CDH18: variants seen among roughly 807,000 people sequenced by gnomAD.
The protein encoded by CDH18 is cadherin 18, also known as cadherin-18.
A neutral mutation model predicts 67.9 loss-of-function variants in CDH18; 31 were observed. The ratio of observed to expected loss-of-function variants is 0.46; its 90% CI spans 0.34 to 0.62. CDH18 has a LOEUF of 0.62. Ranked by LOEUF, CDH18 falls within the 20% of genes least tolerant of loss-of-function variation. CDH18 has a pLI of 0.01. For missense variants in CDH18, 890 were observed against 975.5 expected (o/e 0.91, Z 1.17); for synonymous variants, 362 against 347.2 (o/e 1.04, Z -0.48).
chr5:19,473,273 T>G lies in CDH18; in HGVS notation c.2326A>C (p.Lys776Gln), dbSNP rs1242822387. 1 of 1,613,710 alleles carries G rather than the reference T, an allele frequency of 6.2e-7. No individual in the cohort carries two copies. Among genetic ancestry groups the G allele is most frequent in the Non-Finnish European group, 8.5e-7 (1 of 1,179,790 alleles). ...YLGDWGPEFK[K>Q]LAELYGEIES... ...ATTTCTCCATAGAGTTCAGCTAACT[T>G]TTTAAACTCGGGTCCCCAGTCTCCA... The change falls in exon 13 of 13, where the codon AAG (lysine) becomes CAG (glutamine). Residue 776 changes from lysine (K) to glutamine (Q), a missense_variant. By Grantham distance (53) the Lys-to-Gln change is moderately conservative. Transcript: ENST00000382275.
intron 2 of CDH18, among the ~76,000 whole-genome samples, chr5:19,957,703 T>C (rs2150289077): frequency 6.6e-6 from 1 of 152,138 alleles, no homozygotes; most frequent in South Asian, 2.1e-4. Flanking sequence ...AGAGTAGACA[T>C]TGGCCTTACT....
intron 11 of CDH18, among the ~76,000 whole-genome samples, chr5:19,484,562 G>A (rs347751): frequency 7.9e-5 from 12 of 152,044 alleles, no homozygotes; most frequent in Middle Eastern, 3.2e-3. Context: ...TCCTGTTGCC[G>A]TAGCTATAGA....
At chr5:20,281,015 G>T (rs1329570135) in intron 1 of CDH18, among the ~76,000 whole-genome samples, 1 of 152,182 alleles carries the variant, frequency 6.6e-6, no homozygotes, top group Admixed American at 6.5e-5. Flanking sequence ...CTTTTGAGAA[G>T]TGTCTGTTCC....
At chr5:20,286,711 G>C (rs1052427885) in intron 1 of CDH18, among the ~76,000 whole-genome samples, 1 of 151,680 alleles carries the variant, frequency 6.6e-6, no homozygotes, top group African/African-American at 2.4e-5. Flanking sequence ...TCCAGAGAGA[G>C]AAGTGACTCA....
chr5:20,502,098 C>G (rs1192095144), intron 1 of CDH18, among the ~76,000 whole-genome samples: 1 of 152,034 alleles, frequency 6.6e-6, no homozygotes, highest in Non-Finnish European at 1.5e-5. Flanking sequence ...CAGCCTATTC[C>G]AAATATTACT....
chr5:20,298,608 C>T (rs1457068953), intron 1 of CDH18, among the ~76,000 whole-genome samples: 1 of 152,002 alleles, frequency 6.6e-6, no homozygotes, highest in Admixed American at 6.6e-5. Context: ...CCTTGGAATT[C>T]AAAAATGTGA....
chr5:19,550,258 CTTTTTA>C (rs1392068908), intron 8 of CDH18, among the ~76,000 whole-genome samples: 1 of 151,962 alleles, frequency 6.6e-6, no homozygotes, highest in African/African-American at 2.4e-5. Context: ...GTAGTAAACT[CTTTTTA>C]TTATTATTAT....
chr5:20,497,846 G>A (rs957406400), intron 1 of CDH18, among the ~76,000 whole-genome samples: 1 of 152,086 alleles, frequency 6.6e-6, no homozygotes, highest in Non-Finnish European at 1.5e-5. Flanking sequence ...AAAAGTCACA[G>A]GTTGAAACCT....
chr5:20,056,967 G>A (rs1032633152), intron 2 of CDH18, among the ~76,000 whole-genome samples: 2 of 151,482 alleles, frequency 1.3e-5, no homozygotes, highest in Non-Finnish European at 2.9e-5. Flanking sequence ...TTACAGGTGT[G>A]AGCCACCACG....
At chr5:19,501,731 C>T (rs1005465646) in intron 11 of CDH18, among the ~76,000 whole-genome samples, 2 of 151,998 alleles carry the variant, frequency 1.3e-5, no homozygotes, top group Non-Finnish European at 2.9e-5. Flanking sequence ...AACATAAGTA[C>T]ATGGATCAAC....
rs78338734 is a variant in CDH18, at chr5:20,255,149, G to A, written c.-518+295C>T. On this transcript the variant is annotated intron_variant, in intron 2 of 14. Coordinates refer to the CDH18 transcript ENST00000507958. Reference sequence around the variant, plus strand: ...TGGAAGAGGGAGGGAAGGAGAGGGAGGATGGGTTGAAAAACCACTGGGTAC... The same window carrying A: ...TGGAAGAGGGAGGGAAGGAGAGGGAAGATGGGTTGAAAAACCACTGGGTAC... Among the ~76,000 whole-genome samples the A allele has an allele frequency of 5.8e-3, 887 of 152,092 alleles. 10 individuals are homozygous for A. Among genetic ancestry groups the A allele is most frequent in the African/African-American group, 0.02 (847 of 41,496 alleles).
chr5:19,612,736 C>G, intron 5 of CDH18, 135 bp from the exon 6 acceptor site: 1 of 662,142 alleles, frequency 1.5e-6, no homozygotes, highest in Non-Finnish European at 2.6e-6. Flanking sequence ...CTGAGAAAAA[C>G]AATATCTTAC....
intron 8 of CDH18, among the ~76,000 whole-genome samples, chr5:19,568,926 A>C (rs1199494566): frequency 6.6e-6 from 1 of 152,222 alleles, no homozygotes; most frequent in East Asian, 1.9e-4. Context: ...TTTTGCCCCC[A>C]TGTGAGAATC....
chr5:20,001,783 G>C (rs868082312), intron 2 of CDH18, among the ~76,000 whole-genome samples: 44 of 152,126 alleles, frequency 2.9e-4, no homozygotes, highest in African/African-American at 9.7e-4. Context: ...TTACACCACA[G>C]GCTTAGGTGA....
chr5:20,103,787 G>C (rs941542986), intron 2 of CDH18, among the ~76,000 whole-genome samples: 1 of 125,864 alleles, frequency 7.9e-6, no homozygotes, highest in African/African-American at 3.0e-5. Flanking sequence ...ATTTATTAAT[G>C]GAGCTATGTA....
At chr5:20,471,322 C>A (rs910475651) in intron 1 of CDH18, among the ~76,000 whole-genome samples, 2 of 152,110 alleles carry the variant, frequency 1.3e-5, no homozygotes, top group African/African-American at 2.4e-5. Context: ...ATCATAACCT[C>A]ATCGGAGTTA....
chr5:20,193,776 G>A (rs1317287303), intron 2 of CDH18, among the ~76,000 whole-genome samples: 1 of 152,034 alleles, frequency 6.6e-6, no homozygotes, highest in Non-Finnish European at 1.5e-5. Context: ...TTCATTCCTG[G>A]GATGCGAGGC....
intron 7 of CDH18, among the ~76,000 whole-genome samples, chr5:19,573,845 C>G (rs1313875399): frequency 6.6e-6 from 1 of 152,162 alleles, no homozygotes; most frequent in Non-Finnish European, 1.5e-5. Context: ...GGAAAGTTTA[C>G]TGTTAGTTTT....
intron 2 of CDH18, among the ~76,000 whole-genome samples, chr5:19,854,976 G>C (rs1784110460): frequency 6.9e-6 from 1 of 144,778 alleles, no homozygotes; most frequent in Non-Finnish European, 1.5e-5. Context: ...AAATAAATGA[G>C]AACATGAATA....
Sources: allele counts gnomAD v4.1 joint callset (sites outside exome capture counted in the v4.1 genomes callset), GRCh38; gene constraint gnomAD v4.1.1; transcripts MANE v1.5; gene names NCBI Gene and HGNC (gene_info 2026-07-23, HGNC 2026-07-21).